The following SULT1E1 variants were observed in gnomAD, a reference collection of about 807,000 sequenced individuals.
SULT1E1 encodes sulfotransferase 1E1.
SULT1E1 carries 36 observed loss-of-function variants against 33.6 expected under a neutral mutation model. That is an observed-to-expected ratio of 1.07 (90% confidence interval 0.82 to 1.41). The LOEUF (loss-of-function observed/expected upper bound fraction) is 1.41. Ranked by LOEUF, SULT1E1 falls within the 40% of genes most tolerant of loss-of-function variation. The pLI is 0.00. For missense variants in SULT1E1, 371 were observed against 345.7 expected, an observed-to-expected ratio of 1.07 and a Z score of -0.58; for synonymous variants, 121 against 111.7, an observed-to-expected ratio of 1.08 and a Z score of -0.53.
chr4:69,835,143 G>A, the SULT1E1 span, among the ~76,000 whole-genome samples: 2 of 151,984 alleles, frequency 1.3e-5, no homozygotes, highest in African/African-American at 4.8e-5. Flanking sequence ...CCTCTGCCCA[G>A]AACATCATGC....
chr4:69,839,184 T>A (rs952438283), downstream of SULT1E1, among the ~76,000 whole-genome samples: 3 of 152,224 alleles, frequency 2.0e-5, no homozygotes, highest in Non-Finnish European at 4.4e-5. Context: ...TCTGTCACTA[T>A]AACAGAACAA....
At chr4:69,852,819 A>T (rs1721155202) in intron 4 of SULT1E1, among the ~76,000 whole-genome samples, 1 of 152,180 alleles carries the variant, frequency 6.6e-6, no homozygotes, top group Admixed American at 6.6e-5. Flanking sequence ...TTGGACTATT[A>T]TAAATGTCTG....
intron 1 of SULT1E1, among the ~76,000 whole-genome samples, chr4:69,859,373 G>T (rs1328791745): frequency 6.6e-6 from 1 of 151,958 alleles, no homozygotes; most frequent in Admixed American, 6.6e-5. Flanking sequence ...TACTATGGTG[G>T]ATATAGATAC....
At chr4:69,855,907 T>C (rs1721224633) in intron 2 of SULT1E1, among the ~76,000 whole-genome samples, 1 of 152,206 alleles carries the variant, frequency 6.6e-6, no homozygotes, top group Admixed American at 6.5e-5. Context: ...ACAATAAATT[T>C]TGTTTTTATT....
rs528750879 is a variant in SULT1E1, at chr4:69,847,872, C to T, written c.497-80G>A. ...AAAACTAGTGTTCAAGCAACAATAACAACAAATAAATATAAATAGATAATC... is the reference window on the plus strand; with the variant it reads ...AAAACTAGTGTTCAAGCAACAATAATAACAAATAAATATAAATAGATAATC... On this transcript the variant is annotated intron_variant, in intron 5 of 7. Coordinates refer to ENST00000226444, the MANE Select transcript of SULT1E1 (RefSeq NM_005420.3). 3.8e-5 allele frequency: 29 copies of T among 759,266 alleles called. 1 individual carries two copies. The highest frequency in any genetic ancestry group is 4.8e-4 in the Middle Eastern group (2 of 4,142). The allele number at this position is 759,266 out of a possible 1,614,324, so 47.0% of individuals were successfully genotyped here.
downstream of SULT1E1, among the ~76,000 whole-genome samples, chr4:69,840,850 T>A (rs1456352349): frequency 3.9e-5 from 6 of 151,990 alleles, no homozygotes; most frequent in Non-Finnish European, 5.9e-5. Context: ...ATCGAGACCA[T>A]CCTGGCTAAC....
chr4:69,854,147 A>G, intron 4 of SULT1E1, 70 bp downstream of exon 4: 1 of 1,092,696 alleles, frequency 9.2e-7, no homozygotes, highest in Non-Finnish European at 1.4e-6. Flanking sequence ...ACAAGTGTGT[A>G]TAACTGATGA....
intron 7 of SULT1E1, 33 bp downstream of exon 7, chr4:69,844,128 C>G (rs1377455780): frequency 6.2e-7 from 1 of 1,608,716 alleles, no homozygotes; most frequent in African/African-American, 1.3e-5. Flanking sequence ...TTGTGACTTC[C>G]TCTAGTATCG....
Position 69,842,897 on chromosome 4 carries a change from A to G in SULT1E1, c.773-791T>C, listed in dbSNP as rs1044753255. 1.4e-4 allele frequency among the ~76,000 whole-genome samples: 21 copies of G among 149,498 alleles called. No individual in the cohort carries two copies. The East Asian group carries it at 4.0e-3, about 28-fold the overall frequency. On this transcript the variant is annotated intron_variant, in intron 7 of 7. Coordinates refer to ENST00000226444, the MANE Select transcript of SULT1E1 (RefSeq NM_005420.3). ...TGTCACCCAGGCTGGAATGCAGTGC[A>G]GCTATCTCTGCTCACTGCAAGCTCC... is the stretch of plus-strand genomic sequence containing the variant.
rs895131277 is a variant in SULT1E1, at chr4:69,841,463, C to T, written c.*531G>A. 1.3e-5 allele frequency: 2 copies of T among 152,412 alleles called. No homozygotes were observed. Among genetic ancestry groups the T allele is most frequent in the African/African-American group, 2.4e-5 (1 of 41,428 alleles). The allele number at this position is 152,412 out of a possible 1,614,324, so 9.4% of individuals were successfully genotyped here. A position where few individuals can be genotyped will look rare whatever the true frequency, so the allele number is the denominator to read the frequency against. ...AGGCATGGAGGCTCAAGCCTGTAAT[C>T]CCAGTATTTTGGGAGGCTGGTGTGG... On this transcript the variant is annotated 3_prime_UTR_variant, in exon 8 of 8. Transcript: ENST00000226444.
At chr4:69,847,091 T>C (rs1481510436) in intron 6 of SULT1E1, among the ~76,000 whole-genome samples, 1 of 151,752 alleles carries the variant, frequency 6.6e-6, no homozygotes, top group Non-Finnish European at 1.5e-5. Flanking sequence ...CTACATTCTA[T>C]AGAATTTCCT....
At chr4:69,836,027 T>G in the SULT1E1 span, among the ~76,000 whole-genome samples, 1 of 152,220 alleles carries the variant, frequency 6.6e-6, no homozygotes, top group African/African-American at 2.4e-5. Flanking sequence ...AAAGGAATGA[T>G]TTAACATGTA....
downstream of SULT1E1, among the ~76,000 whole-genome samples, chr4:69,837,078 C>A (rs1003190367): frequency 4.1e-5 from 3 of 72,752 alleles, no homozygotes; most frequent in Middle Eastern, 0.013. Context: ...GCGAGACCCT[C>A]CCTGTCTCAA....
chr4:69,831,321 T>G, the SULT1E1 span, among the ~76,000 whole-genome samples: 2 of 152,190 alleles, frequency 1.3e-5, no homozygotes, highest in Non-Finnish European at 1.5e-5. Context: ...GTTCGGCTGC[T>G]TGGGCCACTA....
At chr4:69,832,375 T>G in the SULT1E1 span, among the ~76,000 whole-genome samples, 1 of 152,104 alleles carries the variant, frequency 6.6e-6, no homozygotes, top group Non-Finnish European at 1.5e-5. Context: ...GCACCAGAAA[T>G]GTTGCAGAAA....
intron 6 of SULT1E1, 152 bp from the exon 7 acceptor site, chr4:69,844,493 G>A: frequency 3.1e-6 from 2 of 636,310 alleles, no homozygotes; most frequent in East Asian, 3.0e-5. Flanking sequence ...TTTTATAAAA[G>A]CTGTTTTAAG....
At position 69,855,295 on chromosome 4, in the gene SULT1E1, C is replaced by A. The variant is rs369054679; in HGVS notation, c.271+6G>T. 640 of 1,610,028 alleles carry A rather than the reference C, an allele frequency of 4.0e-4. 9 individuals are homozygous for A. The South Asian group carries it at 6.2e-3, about 16-fold the overall frequency. On this transcript the variant is annotated splice_donor_region_variant and intron_variant, in intron 3 of 7. Transcript: ENST00000226444. ...AAATAGTTTTTAAAATCAACTTGAA[C>A]GTTACCATTCATGAGGTTTTCTTTT...
At chr4:69,827,050 T>G in the SULT1E1 span, among the ~76,000 whole-genome samples, 2 of 152,110 alleles carry the variant, frequency 1.3e-5, no homozygotes, top group Admixed American at 1.3e-4. Context: ...GAGGGGAATT[T>G]GGCTCAACCC....
chr4:69,856,935 CAAAAAA>C (rs11464421), intron 2 of SULT1E1, among the ~76,000 whole-genome samples: 2 of 59,230 alleles, frequency 3.4e-5, no homozygotes, highest in South Asian at 9.5e-4. Context: ...GACTCCGTCT[CAAAAAA>C]AAAAAAAAAA....
Sources: allele counts gnomAD v4.1 joint callset (sites outside exome capture counted in the v4.1 genomes callset), GRCh38; gene constraint gnomAD v4.1.1; transcripts MANE v1.5; gene names NCBI Gene and HGNC (gene_info 2026-07-23, HGNC 2026-07-21).